The following AP1G2 variants were observed in gnomAD, a reference collection of about 807,000 sequenced individuals.
AP1G2 encodes adaptor related protein complex 1 subunit gamma 2.
AP1G2 carries 85 observed loss-of-function variants against 95.8 expected under a neutral mutation model. That is an observed-to-expected ratio of 0.89 (90% CI 0.74 to 1.06). The LOEUF is 1.06. Among genes scored for constraint, AP1G2 ranks in the 50% least tolerant of loss-of-function variants. AP1G2 has a pLI of 0.00. For synonymous variants in AP1G2, 378 were observed against 400.0 expected, an observed-to-expected ratio of 0.94 and a Z score of 0.66; for missense variants, 967 against 1,005.8, an observed-to-expected ratio of 0.96 and a Z score of 0.52.
intron 19 of AP1G2, 49 bp downstream of exon 19, chr14:23,561,247 A>G (rs752132694): frequency 6.6e-7 from 1 of 1,511,928 alleles, no homozygotes; most frequent in South Asian, 1.3e-5. Flanking sequence ...GAGGAGCAGT[A>G]CATTTCCACC....
intron 7 of AP1G2, 89 bp downstream of exon 7, chr14:23,565,517 C>G (rs1382880061): frequency 2.6e-6 from 3 of 1,173,040 alleles, no homozygotes; most frequent in African/African-American, 1.5e-5. Flanking sequence ...ACTGAGAGAA[C>G]CAGTGTTCTC....
chr14:23,566,991 G>T (rs1888379080), intron 2 of AP1G2, 120 bp downstream of exon 2: 9 of 1,127,352 alleles, frequency 8.0e-6, no homozygotes, highest in Non-Finnish European at 1.1e-5. Flanking sequence ...TGCAGTGCAG[G>T]CTGTGAAGAC....
In AP1G2 at chr14:23,562,590, G is replaced by T. The variant is rs772017884; in HGVS notation, c.1414C>A (p.Pro472Thr). Residue 472 changes from proline to threonine, a missense_variant, in exon 15 of 22, where the codon CCA becomes ACA. Transcript: ENST00000397120. ...NALAEDISQQPLVQVAAWCIG... is the reference protein window; with the variant it reads ...NALAEDISQQTLVQVAAWCIG... Reference sequence around the variant, plus strand: ...CACCAGGCTGCCACCTGCACCAGTGGTTGCTACATGGGATAAGAAACTGCT... The same window carrying T: ...CACCAGGCTGCCACCTGCACCAGTGTTTGCTACATGGGATAAGAAACTGCT... The T allele has an allele frequency of 1.9e-6, 3 of 1,613,664 alleles. No homozygotes were observed. The Admixed American group carries it at 5.0e-5, about 27-fold the overall frequency.
In AP1G2 at chr14:23,562,545, G is replaced by A; in HGVS notation, c.1459C>T (p.Leu487Phe). 2 of 1,614,188 alleles carry A rather than the reference G, an allele frequency of 1.2e-6. No homozygotes were observed. The highest frequency in any genetic ancestry group is 1.7e-6 in the Non-Finnish European group (2 of 1,180,042). The change falls in exon 15 of 22, where the codon CTC becomes TTC. Residue 487 changes from leucine (L) to phenylalanine (F), a missense_variant. Transcript: ENST00000397120. ...AAWCIGEYGD[L>F]LLAGNCEEIE... is the part of the protein sequence containing the mutation. Reference sequence around the variant, plus strand: ...TCCTCGCAGTTCCCTGCCAGCAGGAGGTCCCCATACTCCCCAATGCACCAG... The same window carrying A: ...TCCTCGCAGTTCCCTGCCAGCAGGAAGTCCCCATACTCCCCAATGCACCAG...
In AP1G2 at chr14:23,566,559, C is replaced by T; in HGVS notation, c.329+3G>A. 6.2e-7 allele frequency: 1 copy of T among 1,613,984 alleles called. No individual in the cohort carries two copies. The highest frequency in any genetic ancestry group is 1.1e-5 in the South Asian group (1 of 91,082). ...TTCCAAGTGATTGCCAGAACCCTCT[C>T]ACTTCTTGATGCTGTTGGTAATGAG... On this transcript the variant is annotated splice_donor_region_variant and intron_variant, in intron 3 of 21. Transcript: ENST00000397120.
chr14:23,567,344 A>G lies in AP1G2; in HGVS notation c.-5-25T>C. The G allele has an allele frequency of 1.9e-6, 3 of 1,604,390 alleles. No homozygotes were observed. The highest frequency in any genetic ancestry group is 2.5e-6 in the Non-Finnish European group (3 of 1,177,552). On this transcript the variant is annotated intron_variant, in intron 1 of 21. Coordinates refer to ENST00000397120, the MANE Select transcript of AP1G2 (RefSeq NM_003917.5). This position sits in a 1 kb window ranked among gnomAD's most constrained non-coding sequence, Gnocchi z 5.3. ...ACTGGCAGAGTCCGGGAGTGGAGAA[A>G]CACTCTCTGGTCGGGCGTGCCTGGG...
intron 14 of AP1G2, 34 bp from the exon 15 acceptor site, chr14:23,562,627 G>C (rs1399112847): frequency 1.9e-6 from 3 of 1,598,932 alleles, no homozygotes; most frequent in African/African-American, 2.7e-5. Context: ...GGCTGGCCAG[G>C]CATGGTGGCT....
intron 7 of AP1G2, 64 bp from the exon 8 acceptor site, chr14:23,565,263 G>C (rs940015859): frequency 5.3e-6 from 8 of 1,519,606 alleles, no homozygotes; most frequent in Non-Finnish European, 7.2e-6. Context: ...TGGGGCTGAG[G>C]AGAAAACTCC....
chr14:23,563,878 C>T (rs1886377390), intron 11 of AP1G2, 22 bp from the exon 12 acceptor site: 2 of 1,611,002 alleles, frequency 1.2e-6, no homozygotes, highest in Admixed American at 3.3e-5. Flanking sequence ...AAGAGGTTTC[C>T]ATGCAGGTAG....
At chr14:23,563,901 T>C in intron 11 of AP1G2, 45 bp from the exon 12 acceptor site, 1 of 1,606,158 alleles carries the variant, frequency 6.2e-7, no homozygotes, top group Non-Finnish European at 8.5e-7. Context: ...CAGGTCATCC[T>C]GGTCCATGCC....
Position 23,565,930 on chromosome 14 carries a change from G to C in AP1G2, c.569-38C>G, listed in dbSNP as rs45580140. The C allele has an allele frequency of 5.2e-4, 840 of 1,601,774 alleles. 2 individuals carry two copies. Among genetic ancestry groups the C allele is most frequent in the Non-Finnish European group, 6.6e-4 (773 of 1,176,018 alleles). On this transcript the variant is annotated intron_variant, in intron 5 of 21. Transcript: ENST00000397120. ...TCGGGGAAGTGAATGGTGGGGGCCAGGGGCAAGAGAGTCTATTGCGTGTGT... is the reference window on the plus strand; with the variant it reads ...TCGGGGAAGTGAATGGTGGGGGCCACGGGCAAGAGAGTCTATTGCGTGTGT...
Position 23,563,631 on chromosome 14 carries a change from G to C in AP1G2, c.1240C>G (p.Pro414Ala), listed in dbSNP as rs1886248410. 6.2e-7 allele frequency: 1 copy of C among 1,614,164 alleles called. No individual in the cohort carries two copies. The highest frequency in any genetic ancestry group is 8.5e-7 in the Non-Finnish European group (1 of 1,180,032). Reference protein sequence around the residue: ...GILLAAERFAPTKRWHIDTIL... With the variant: ...GILLAAERFAATKRWHIDTIL... ...GTGTCTATGTGCCAGCGTTTGGTTGGAGCAAACCTAGGGGATATATGGCTC... is the reference window on the plus strand; with the variant it reads ...GTGTCTATGTGCCAGCGTTTGGTTGCAGCAAACCTAGGGGATATATGGCTC... Residue 414 changes from proline (P) to alanine (A), a missense_variant, in exon 13 of 22, where the codon CCA (proline) becomes GCA (alanine). Coordinates refer to ENST00000397120, the MANE Select transcript of AP1G2 (RefSeq NM_003917.5).
chr14:23,563,427 A>G lies in AP1G2; in HGVS notation c.1363T>C (p.Tyr455His). ...GCATTGTAGAGGCGGCGCACAGAGT[A>G]GGCATGTAGCTCCTGGGCCCCCCCA... The part of the protein sequence containing the change: ...LIGGAQELHA[Y>H]SVRRLYNALA... Residue 455 changes from tyrosine (Y) to histidine (H), a missense_variant, in exon 14 of 22, where the codon TAC becomes CAC. Transcript: ENST00000397120. 1 of 1,612,024 alleles carries G rather than the reference A, an allele frequency of 6.2e-7. No individual in the cohort carries two copies. Among genetic ancestry groups the G allele is most frequent in the South Asian group, 1.1e-5 (1 of 90,694 alleles).
chr14:23,567,478 G>A lies in AP1G2; in HGVS notation c.-5-159C>T, dbSNP rs995718419. The stretch of plus-strand genomic sequence containing the variant: ...TTCCCGAAGTGGGTCTCCAAATTCC[G>A]CGCCCACCCCACCGCCCGAGAAGCC... On this transcript the variant is annotated intron_variant, in intron 1 of 21. Transcript: ENST00000397120. The surrounding 1 kb of genome is among the most constrained non-coding windows in gnomAD (Gnocchi z 5.3). The A allele has an allele frequency of 1.5e-5, 21 of 1,392,330 alleles. No homozygotes were observed. The highest frequency in any genetic ancestry group is 5.3e-4 in the Middle Eastern group (2 of 3,792). 86.2% of individuals were successfully genotyped at this position (1,392,330 alleles called of 1,614,324 possible).
chr14:23,567,285 G>A lies in AP1G2; in HGVS notation c.30C>T (p.Asp10=). MVVPSLKLQ[D]LIEEIRGAKT... Reference sequence around the variant, plus strand: ...TGGCCCCGCGAATCTCTTCGATGAGGTCCTGAAGCTTCAGCGAAGGCACCA... The same window carrying A: ...TGGCCCCGCGAATCTCTTCGATGAGATCCTGAAGCTTCAGCGAAGGCACCA... Residue 10 remains aspartate, a synonymous_variant, in exon 2 of 22, where the codon GAC becomes GAT. Coordinates refer to ENST00000397120, the MANE Select transcript of AP1G2 (RefSeq NM_003917.5). This position sits in a 1 kb window ranked among gnomAD's most constrained non-coding sequence, Gnocchi z 5.3. The A allele has an allele frequency of 6.2e-7, 1 of 1,613,124 alleles. No homozygotes were observed. Among genetic ancestry groups the A allele is most frequent in the Non-Finnish European group, 8.5e-7 (1 of 1,179,724 alleles).
At chr14:23,566,493 C>G (rs1007518483) in intron 3 of AP1G2, 69 bp downstream of exon 3, 1 of 1,607,534 alleles carries the variant, frequency 6.2e-7, no homozygotes, top group African/African-American at 1.3e-5. Context: ...AACAGGCAGT[C>G]CCCTGGGATT....
Position 23,562,067 on chromosome 14 carries a change from C to A in AP1G2, c.1629-1G>T, listed in dbSNP as rs576634833. On this transcript the variant is annotated splice_acceptor_variant, in intron 16 of 21. Coordinates refer to ENST00000397120, the MANE Select transcript of AP1G2 (RefSeq NM_003917.5). LOFTEE classifies it high-confidence loss of function. The stretch of plus-strand genomic sequence containing the variant: ...GATGGACACCACCTGGCGGATGCGG[C>A]TGGGCCAGTGTAGTATGTAAGTGGC... 1.9e-6 allele frequency: 3 copies of A among 1,612,904 alleles called. No individual in the cohort carries two copies. The South Asian group carries it at 3.3e-5, about 18-fold the overall frequency.
In AP1G2 at chr14:23,562,412, C is replaced by A. The variant is rs751085013; in HGVS notation, c.1504G>T (p.Asp502Tyr). ...AGCAATGCCAGCACTTCCTCTTCGT[C>A]CACCTTCAGACATGGATACAGTTAG... ...NCEEIEPLQV[D>Y]EEEVLALLEK... Residue 502 changes from aspartate to tyrosine, a missense_variant, in exon 16 of 22, where the codon GAC (aspartate) becomes TAC (tyrosine). By Grantham distance (160) the Asp-to-Tyr change is radical (BLOSUM62 -3). Transcript: ENST00000397120. 2 of 1,614,152 alleles carry A rather than the reference C, an allele frequency of 1.2e-6. No individual in the cohort carries two copies. Among genetic ancestry groups the A allele is most frequent in the South Asian group, 1.1e-5 (1 of 91,086 alleles).
intron 14 of AP1G2, 31 bp from the exon 15 acceptor site, chr14:23,562,624 C>G (rs1566633048): frequency 6.2e-7 from 1 of 1,602,068 alleles, no homozygotes; most frequent in Non-Finnish European, 8.5e-7. Context: ...CTGGGCTGGC[C>G]AGGCATGGTG....
Sources: gnomAD v4.1 joint callset for allele counts on GRCh38, gnomAD v4.1.1 for gene constraint, Gnocchi (gnomAD v3.1) non-coding constraint, MANE v1.5 for transcripts, NCBI Gene and HGNC (gene_info 2026-07-23, HGNC 2026-07-21) for gene names.